Variants in SLCO2A1 observed in about 807,000 individuals in gnomAD.
SLCO2A1 encodes the protein matrin F/G 1.
Under a neutral mutation model 71.7 loss-of-function variants are expected in SLCO2A1, and 60 were observed. That is an observed-to-expected ratio of 0.84 (90% CI 0.68 to 1.04). The LOEUF (loss-of-function observed/expected upper bound fraction) is 1.04. Among genes scored for constraint, SLCO2A1 ranks in the 50% least tolerant of loss-of-function variants. The pLI, the probability that SLCO2A1 is intolerant of heterozygous loss-of-function variation, is 0.00. For synonymous variants in SLCO2A1, 308 were observed against 326.7 expected (o/e 0.94, Z 0.62); for missense variants, 745 against 813.4 (o/e 0.92, Z 1.02).
intron 10 of SLCO2A1, 80 bp from the exon 11 acceptor site, chr3:133,942,848 C>G: frequency 7.1e-7 from 1 of 1,404,764 alleles, no homozygotes; most frequent in Non-Finnish European, 9.6e-7. Flanking sequence ...TGCACCAGCT[C>G]TTGTTGGAGA....
rs749304183 is a variant in SLCO2A1 at position 133,973,715 on chromosome 3, G to A, written c.345C>T (p.Leu115=). 1.9e-6 allele frequency: 3 copies of A among 1,614,142 alleles called. No individual in the cohort carries two copies. The highest frequency in any genetic ancestry group is 1.1e-5 in the South Asian group (1 of 91,068). ...GLFLAAGAFI[L]TLPHFLSEPY... is the part of the protein sequence containing the mutation. ...GCTCGGAGAGGAAGTGTGGGAGGGT[G>A]AGGATGAAGGCACCTGCAGCCAGGA... The change falls in exon 3 of 14, where the codon CTC becomes CTT. Residue 115 remains leucine, a synonymous_variant. Transcript: ENST00000310926.
intron 1 of SLCO2A1, among the ~76,000 whole-genome samples, chr3:134,011,000 T>A (rs1350496039): frequency 6.6e-6 from 1 of 152,184 alleles, no homozygotes; most frequent in East Asian, 1.9e-4. Flanking sequence ...CCCCAGTCCT[T>A]ATAAATTTTA....
At chr3:133,975,748 C>T (rs774863063) in intron 2 of SLCO2A1, among the ~76,000 whole-genome samples, 1 of 152,176 alleles carries the variant, frequency 6.6e-6, no homozygotes, top group Non-Finnish European at 1.5e-5. Flanking sequence ...GCTGCTCCTT[C>T]TGACTTTACG....
intron 3 of SLCO2A1, chr3:133,955,514 C>T (rs913570364): frequency 7.8e-5 from 26 of 335,432 alleles, no homozygotes; most frequent in East Asian, 1.3e-4. Flanking sequence ...GAGCTGAGCA[C>T]GGAGAAGTCA....
At chr3:134,003,070 C>T (rs914126894) in intron 1 of SLCO2A1, among the ~76,000 whole-genome samples, 7 of 152,200 alleles carry the variant, frequency 4.6e-5, no homozygotes, top group East Asian at 1.9e-4. Flanking sequence ...TTGAACATTC[C>T]GCTTCCCTCA....
intron 3 of SLCO2A1, among the ~76,000 whole-genome samples, chr3:133,961,324 T>A (rs927679377): frequency 1.3e-5 from 2 of 152,068 alleles, no homozygotes; most frequent in Non-Finnish European, 2.9e-5. Flanking sequence ...AGCAGGGGCA[T>A]GACATGAGAA....
chr3:133,948,656 C>A lies in SLCO2A1; in HGVS notation c.985G>T (p.Val329Phe). 1 of 1,614,136 alleles carries A rather than the reference C, an allele frequency of 6.2e-7. No homozygotes were observed. The highest frequency in any genetic ancestry group is 8.5e-7 in the Non-Finnish European group (1 of 1,179,992). Residue 329 changes from valine to phenylalanine, a missense_variant, in exon 8 of 14, where the codon GTC (valine) becomes TTC (phenylalanine). Coordinates refer to ENST00000310926, the MANE Select transcript of SLCO2A1 (RefSeq NM_005630.3). ...FLRLLMNSLF[V>F]LVVLAQCTFS... ...GTGCACTGGGCCAGGACCACCAGGA[C>A]GAAGAGTGAGTTCATCAGGAGCCTC...
chr3:133,984,673 G>A (rs1437602814), intron 1 of SLCO2A1, among the ~76,000 whole-genome samples: 5 of 152,194 alleles, frequency 3.3e-5, no homozygotes, highest in Non-Finnish European at 5.9e-5. Flanking sequence ...TAAAACACAA[G>A]CCCATCCCTT....
At chr3:133,971,110 C>T (rs894240540) in intron 3 of SLCO2A1, among the ~76,000 whole-genome samples, 6 of 152,262 alleles carry the variant, frequency 3.9e-5, no homozygotes, top group Admixed American at 2.0e-4. Flanking sequence ...CGATGTGTGG[C>T]GCCTGGCAGG....
chr3:134,029,734 A>G lies in SLCO2A1; in HGVS notation c.69T>C (p.Cys23=). The change falls in exon 1 of 14, where the codon TGT becomes TGC. Residue 23 remains cysteine (C), a synonymous_variant. Transcript: ENST00000310926. ...SDTSTSRAGR[C]ARSVFGNIKV... ...TAATGTTGCCGAAGACCGAGCGGGC[A>G]CAGCGGCCGGCTCGGCTAGTAGAGG... 1 of 1,590,328 alleles carries G rather than the reference A, an allele frequency of 6.3e-7. No individual in the cohort carries two copies. The highest frequency in any genetic ancestry group is 8.5e-7 in the Non-Finnish European group (1 of 1,172,188).
chr3:133,946,467 C>T (rs139688906), intron 9 of SLCO2A1, among the ~76,000 whole-genome samples: 1 of 152,186 alleles, frequency 6.6e-6, no homozygotes, highest in East Asian at 1.9e-4. Context: ...TGCAAACCAA[C>T]AGGCAGACTT....
Position 133,948,878 on chromosome 3 carries a change from T to C in SLCO2A1, c.940+15A>G. On this transcript the variant is annotated intron_variant, in intron 7 of 13. Coordinates refer to ENST00000310926, the MANE Select transcript of SLCO2A1 (RefSeq NM_005630.3). ...CGCACTGTGCCAGCCCACCCAGGGC[T>C]GTAGGGTCAGTTACGTTTAATGAAA... The C allele has an allele frequency of 6.2e-7, 1 of 1,612,922 alleles. No homozygotes were observed. Among genetic ancestry groups the C allele is most frequent in the Non-Finnish European group, 8.5e-7 (1 of 1,178,918 alleles).
At chr3:134,005,841 T>C (rs1053675652) in intron 1 of SLCO2A1, among the ~76,000 whole-genome samples, 1 of 152,190 alleles carries the variant, frequency 6.6e-6, no homozygotes, top group African/African-American at 2.4e-5. Context: ...TTATATTGTG[T>C]TCCTATTTAC....
At chr3:133,964,092 G>A (rs916920825) in intron 3 of SLCO2A1, among the ~76,000 whole-genome samples, 1 of 152,178 alleles carries the variant, frequency 6.6e-6, no homozygotes, top group Non-Finnish European at 1.5e-5. Context: ...ATGGGCAAAT[G>A]CACTCAGTTT....
At chr3:133,949,058 G>A in intron 6 of SLCO2A1, 87 bp from the exon 7 acceptor site, 1 of 1,195,602 alleles carries the variant, frequency 8.4e-7, no homozygotes, top group Non-Finnish European at 1.2e-6. Context: ...GGCCTCAGAA[G>A]CTCAGGGCTG....
At chr3:133,949,825 TTTTTTA>T (rs1054227319) in intron 6 of SLCO2A1, among the ~76,000 whole-genome samples, 3 of 151,972 alleles carry the variant, frequency 2.0e-5, no homozygotes, top group South Asian at 2.1e-4. Flanking sequence ...TTGTTTTTTA[TTTTTTA>T]TTTTTATTTT....
At position 133,955,082 on chromosome 3, in the gene SLCO2A1, C is replaced by T; in HGVS notation, c.509G>A (p.Trp170Ter). The T allele has an allele frequency of 6.2e-7, 1 of 1,614,182 alleles. No individual in the cohort carries two copies. ...CAGCTGGGCAACCACCATCAGGCCC[C>T]ACATGCTGCTGGTCTCCTTCTGGGG... is the stretch of plus-strand genomic sequence containing the variant. ...QNPQKETSSM[W>*]GLMVVAQLLA... The change falls in exon 4 of 14, where the codon TGG (tryptophan) becomes TAG (stop). Residue 170 changes from tryptophan to a stop codon, truncating the protein, a stop_gained. Transcript: ENST00000310926. LOFTEE classifies it high-confidence loss of function.
chr3:133,980,415 G>A (rs983193904), intron 1 of SLCO2A1, among the ~76,000 whole-genome samples: 1 of 152,230 alleles, frequency 6.6e-6, no homozygotes, highest in African/African-American at 2.4e-5. Context: ...TAACACATCA[G>A]GGAGGGTAGG....
At chr3:133,984,818 G>C (rs1934675991) in intron 1 of SLCO2A1, among the ~76,000 whole-genome samples, 1 of 152,202 alleles carries the variant, frequency 6.6e-6, no homozygotes. Flanking sequence ...GAGTTTTGGA[G>C]TCAAACAGGC....
Sources: gnomAD v4.1 joint callset for allele counts (sites outside exome capture counted in the v4.1 genomes callset) on GRCh38, gnomAD v4.1.1 for gene constraint, MANE v1.5 for transcripts, NCBI Gene and HGNC (gene_info 2026-07-23, HGNC 2026-07-21) for gene names.